Variants in SLC11A2 observed in about 807,000 individuals in gnomAD.
The protein encoded by SLC11A2 is solute carrier family 11 member 2.
In SLC11A2, 38 loss-of-function variants were observed where a neutral mutation model predicts 68.0. The observed-to-expected ratio is 0.56, with a 90% CI of 0.43 to 0.73. The LOEUF is 0.73. Ranked by LOEUF, SLC11A2 falls within the 30% of genes least tolerant of loss-of-function variation. SLC11A2 has a pLI of 0.00. For synonymous variants in SLC11A2, 242 were observed against 250.6 expected (o/e 0.97, Z 0.32); for missense variants, 517 against 690.5 (o/e 0.75, Z 2.82).
intron 13 of SLC11A2, 148 bp downstream of exon 13, chr12:50,992,042 A>C: frequency 1.2e-6 from 1 of 808,732 alleles, no homozygotes. Context: ...TTAGATGCCA[A>C]GGATTTCATA....
At chr12:50,954,937 C>T in the SLC11A2 span, among the ~76,000 whole-genome samples, 1 of 151,944 alleles carries the variant, frequency 6.6e-6, no homozygotes, top group African/African-American at 2.4e-5. Context: ...TCTGTGCTGG[C>T]TTCTTGGTGT....
In SLC11A2 at chr12:50,999,369, C is replaced by A. The variant is rs748583739; in HGVS notation, c.583G>T (p.Val195Leu). Residue 195 changes from valine (V) to leucine (L), a missense_variant, in exon 7 of 16, where the codon GTA (valine) becomes TTA (leucine). Physicochemically the swap from Val to Leu is conservative, Grantham distance 32 (BLOSUM62 1). Transcript: ENST00000262052. ...GVLITIADTF[V>L]FLFLDKYGLR... ...CCATATTTGTCCAAGAAGAGAAATA[C>A]AAAAGTATCTGCAATGGTGATGAGA... 1 of 1,613,912 alleles carries A rather than the reference C, an allele frequency of 6.2e-7. No individual in the cohort carries two copies. Among genetic ancestry groups the A allele is most frequent in the Non-Finnish European group, 8.5e-7 (1 of 1,179,862 alleles).
chr12:51,022,438 CAAA>C lies in SLC11A2; in HGVS notation c.-39+3869_-39+3871del, dbSNP rs147670584. On this transcript the variant is annotated intron_variant, in intron 1 of 15. Transcript: ENST00000262052. ...AAAAAAAAAAAAAATTACTTTTTTC[CAAA>C]AAAAAAAAAAAAAAAATCCCCTATT... 3.6e-3 allele frequency among the ~76,000 whole-genome samples: 423 copies of C among 118,224 alleles called. 1 individual carries two copies. Among genetic ancestry groups the C allele is most frequent in the South Asian group, 0.013 (48 of 3,710 alleles). 77.6% of individuals were successfully genotyped at this position (118,224 alleles called of 152,430 possible).
intron 3 of SLC11A2, chr12:51,008,214 TTAGATAGACAGA>T (rs1480961447): frequency 6.7e-5 from 23 of 342,930 alleles, no homozygotes; most frequent in Admixed American, 2.4e-4. Flanking sequence ...GTAAAAAAGA[TTAGATAGACAGA>T]TAGATAGATA....
intron 11 of SLC11A2, among the ~76,000 whole-genome samples, chr12:50,994,031 C>T (rs2136204380): frequency 7.7e-6 from 1 of 129,184 alleles, no homozygotes; most frequent in Non-Finnish European, 1.6e-5. Flanking sequence ...GGGGTGTATA[C>T]TGCATCTTTT....
chr12:51,009,496 T>A (rs149955274), intron 2 of SLC11A2, among the ~76,000 whole-genome samples: 1 of 152,320 alleles, frequency 6.6e-6, no homozygotes, highest in East Asian at 1.9e-4. Flanking sequence ...TTGCAATAAA[T>A]CCTTACAACC....
At chr12:51,004,705 A>G (rs1234114869) in intron 5 of SLC11A2, 83 bp downstream of exon 5, 2 of 1,517,186 alleles carry the variant, frequency 1.3e-6, no homozygotes, top group African/African-American at 2.7e-5. Context: ...CTGTCTCACT[A>G]TAGAATGAGG....
upstream of SLC11A2, among the ~76,000 whole-genome samples, chr12:51,027,206 G>T (rs1445498796): frequency 3.3e-5 from 5 of 151,818 alleles, no homozygotes; most frequent in Admixed American, 3.3e-4. Context: ...CAGGCATCAC[G>T]GCGCCCGCCT....
downstream of SLC11A2, among the ~76,000 whole-genome samples, chr12:50,979,160 A>G (rs1939896170): frequency 6.6e-6 from 1 of 152,174 alleles, no homozygotes; most frequent in Non-Finnish European, 1.5e-5. Flanking sequence ...CACAAATTGG[A>G]GAGTGATTAA....
chr12:50,959,006 G>C, the SLC11A2 span, among the ~76,000 whole-genome samples: 1 of 151,982 alleles, frequency 6.6e-6, no homozygotes, highest in Admixed American at 6.6e-5. Flanking sequence ...GACAGAGCAA[G>C]ACTCTGTCTC....
chr12:51,026,188 G>T (rs1314821637), intron 1 of SLC11A2, 122 bp downstream of exon 1: 9 of 1,176,694 alleles, frequency 7.6e-6, no homozygotes, highest in Non-Finnish European at 9.6e-6. Context: ...AGCCCCGCAC[G>T]GCGAGCCGGT....
At chr12:51,013,017 T>G (rs761776851) in intron 1 of SLC11A2, among the ~76,000 whole-genome samples, 43 of 152,226 alleles carry the variant, frequency 2.8e-4, no homozygotes, top group Non-Finnish European at 5.6e-4. Flanking sequence ...CATATAATTG[T>G]AACAAACTAA....
In SLC11A2 at chr12:50,987,013, T is replaced by C. The variant is rs1043482328; in HGVS notation, c.*1312A>G. The C allele has an allele frequency of 1.6e-6, 2 of 1,285,510 alleles. No individual in the cohort carries two copies. Among genetic ancestry groups the C allele is most frequent in the African/African-American group, 1.5e-5 (1 of 65,718 alleles). The allele number at this position is 1,285,510 out of a possible 1,614,324, so 79.6% of individuals were successfully genotyped here. ...AATGACTATAAAACAGTTTTGATTA[T>C]TTATCTCCATCAAAGTGATTTGATT... On this transcript the variant is annotated 3_prime_UTR_variant, in exon 16 of 16. Coordinates refer to ENST00000262052, the MANE Select transcript of SLC11A2 (RefSeq NM_000617.3).
At chr12:51,005,044 G>C in intron 4 of SLC11A2, 137 bp from the exon 5 acceptor site, 2 of 1,108,498 alleles carry the variant, frequency 1.8e-6, no homozygotes, top group Non-Finnish European at 2.7e-6. Flanking sequence ...AATGACTTGA[G>C]TTCTATAACA....
Position 51,000,399 on chromosome 12 carries a change from C to G in SLC11A2, c.450G>C (p.Trp150Cys). The G allele has an allele frequency of 6.2e-7, 1 of 1,613,728 alleles. No individual in the cohort carries two copies. The highest frequency in any genetic ancestry group is 8.5e-7 in the Non-Finnish European group (1 of 1,179,612). Residue 150 changes from tryptophan (W) to cysteine (C), a missense_variant, in exon 6 of 16, where the codon TGG becomes TGC. Transcript: ENST00000262052. Reference sequence around the variant, plus strand: ...CGATGATAGCCAACTCCACCATCAGCCACAGGATGACTCGTGGGACCTAAA... The same window carrying G: ...CGATGATAGCCAACTCCACCATCAGGCACAGGATGACTCGTGGGACCTAAA... ...QYPKVPRVIL[W>C]LMVELAIIGS... is the part of the protein sequence containing the mutation.
the SLC11A2 span, among the ~76,000 whole-genome samples, chr12:50,972,367 G>C: frequency 6.6e-6 from 1 of 152,140 alleles, no homozygotes; most frequent in Non-Finnish European, 1.5e-5. Flanking sequence ...CATTTGTTAA[G>C]AGTATCTATG....
the SLC11A2 span, among the ~76,000 whole-genome samples, chr12:50,961,353 G>A: frequency 6.6e-6 from 1 of 152,162 alleles, no homozygotes; most frequent in Non-Finnish European, 1.5e-5. Flanking sequence ...CTTTAGTGAA[G>A]GGAGTGGTGA....
chr12:50,964,545 A>T, the SLC11A2 span, among the ~76,000 whole-genome samples: 1 of 152,230 alleles, frequency 6.6e-6, no homozygotes, highest in South Asian at 2.1e-4. Context: ...TGTAATGAAG[A>T]GATGATCAAG....
At chr12:50,998,195 T>C (rs569349093) in intron 8 of SLC11A2, among the ~76,000 whole-genome samples, 1 of 150,012 alleles carries the variant, frequency 6.7e-6, no homozygotes, top group South Asian at 2.1e-4. Context: ...CCATCTCTAC[T>C]AAAAATACAA....
Sources: gnomAD v4.1 joint callset for allele counts (sites outside exome capture counted in the v4.1 genomes callset) on GRCh38, gnomAD v4.1.1 for gene constraint, MANE v1.5 for transcripts, NCBI Gene and HGNC (gene_info 2026-07-23, HGNC 2026-07-21) for gene names.